Variants in NDFIP2 observed in about 807,000 individuals in gnomAD.
The protein encoded by NDFIP2 is Nedd4 family interacting protein 2.
Under a neutral mutation model 36.0 loss-of-function variants are expected in NDFIP2, and 19 were observed. That is an observed-to-expected ratio of 0.53 (90% CI 0.37 to 0.77). NDFIP2 has a LOEUF of 0.77. Ranked by LOEUF, NDFIP2 falls within the 30% of genes least tolerant of loss-of-function variation. The probability of loss-of-function intolerance (pLI) is 0.00; values close to 1 mark genes in which losing one functional copy is unlikely to be tolerated. For synonymous variants in NDFIP2, 181 were observed against 167.7 expected (o/e 1.08, Z -0.61); for missense variants, 446 against 435.8 (o/e 1.02, Z -0.21).
intron 1 of NDFIP2, among the ~76,000 whole-genome samples, chr13:79,494,070 C>G (rs1188717244): frequency 5.9e-5 from 9 of 152,068 alleles, no homozygotes; most frequent in Admixed American, 5.9e-4. Context: ...TTAACATATG[C>G]AGTTTCAGCC....
chr13:79,532,493 T>C (rs1875055295), intron 2 of NDFIP2, among the ~76,000 whole-genome samples: 2 of 152,224 alleles, frequency 1.3e-5, no homozygotes. Flanking sequence ...TTATTACTTA[T>C]GTTGTAATAA....
At chr13:79,510,873 C>T (rs1286231169) in intron 1 of NDFIP2, among the ~76,000 whole-genome samples, 1 of 151,894 alleles carries the variant, frequency 6.6e-6, no homozygotes, top group Non-Finnish European at 1.5e-5. Flanking sequence ...GTGGCACACA[C>T]CTGTAATCTC....
intron 1 of NDFIP2, among the ~76,000 whole-genome samples, chr13:79,491,032 C>G (rs1332097860): frequency 6.6e-6 from 1 of 152,190 alleles, no homozygotes; most frequent in African/African-American, 2.4e-5. Flanking sequence ...CACAGTACTC[C>G]TTATCGCTGT....
Position 79,540,621 on chromosome 13 carries a change from A to G in NDFIP2, c.715+846A>G, listed in dbSNP as rs137910396. On this transcript the variant is annotated intron_variant, in intron 4 of 7. Coordinates refer to ENST00000218652, the MANE Select transcript of NDFIP2 (RefSeq NM_019080.3). Reference sequence around the variant, plus strand: ...TTTATTATGATCATAAAACCGAGAAATAATTTACTTATTTAAAGTGCCACA... The same window carrying G: ...TTTATTATGATCATAAAACCGAGAAGTAATTTACTTATTTAAAGTGCCACA... 3.5e-4 allele frequency among the ~76,000 whole-genome samples: 54 copies of G among 152,346 alleles called. 2 individuals are homozygous for G. The East Asian group carries it at 6.4e-3, about 18-fold the overall frequency.
intron 3 of NDFIP2, 132 bp downstream of exon 3, chr13:79,533,588 T>G: frequency 1.5e-6 from 1 of 646,592 alleles, no homozygotes. Flanking sequence ...GGGTTTAAAC[T>G]GCACAGGTCT....
chr13:79,528,895 TAGTA>T (rs1259251430), intron 2 of NDFIP2, among the ~76,000 whole-genome samples: 1 of 152,206 alleles, frequency 6.6e-6, no homozygotes, highest in Admixed American at 6.5e-5. Context: ...ATATCTGTGT[TAGTA>T]AGTGATGCAT....
At chr13:79,515,234 A>C (rs935565915) in intron 1 of NDFIP2, among the ~76,000 whole-genome samples, 1 of 152,242 alleles carries the variant, frequency 6.6e-6, no homozygotes, top group Non-Finnish European at 1.5e-5. Flanking sequence ...TTATGAGGCC[A>C]CTATCTTATA....
intron 5 of NDFIP2, among the ~76,000 whole-genome samples, chr13:79,547,922 A>G (rs1486310013): frequency 6.6e-6 from 1 of 152,098 alleles, no homozygotes. Flanking sequence ...GATTAAACTA[A>G]TGTGGCTTTT....
intron 1 of NDFIP2, among the ~76,000 whole-genome samples, chr13:79,502,356 A>G (rs1334567337): frequency 2.0e-5 from 3 of 152,318 alleles, no homozygotes; most frequent in South Asian, 2.1e-4. Flanking sequence ...TAACTCTAAC[A>G]ATATTACATG....
intron 1 of NDFIP2, among the ~76,000 whole-genome samples, chr13:79,517,522 C>T (rs569230980): frequency 9.9e-5 from 15 of 152,068 alleles, no homozygotes; most frequent in East Asian, 3.9e-4. Context: ...ATTTTATTGC[C>T]GGCAAAGATA....
chr13:79,490,580 C>A (rs1873187369), intron 1 of NDFIP2, among the ~76,000 whole-genome samples: 1 of 152,082 alleles, frequency 6.6e-6, no homozygotes, highest in Non-Finnish European at 1.5e-5. Flanking sequence ...CAGCAGTATC[C>A]ATACCAAATA....
At chr13:79,505,208 T>G (rs1327240802) in intron 1 of NDFIP2, among the ~76,000 whole-genome samples, 2 of 152,224 alleles carry the variant, frequency 1.3e-5, no homozygotes, top group Non-Finnish European at 2.9e-5. Flanking sequence ...ATGAACATTT[T>G]CTCACAGAAT....
At chr13:79,539,450 A>T (rs1010828993) in intron 3 of NDFIP2, among the ~76,000 whole-genome samples, 7 of 152,204 alleles carry the variant, frequency 4.6e-5, no homozygotes, top group Admixed American at 2.0e-4. Flanking sequence ...GATGTTATTC[A>T]TCTTTTATCT....
chr13:79,527,868 C>T (rs538496977), intron 2 of NDFIP2, among the ~76,000 whole-genome samples: 10 of 152,234 alleles, frequency 6.6e-5, no homozygotes, highest in East Asian at 3.9e-4. Context: ...TTGCCCTTGA[C>T]GACCTTCCAG....
intron 2 of NDFIP2, among the ~76,000 whole-genome samples, chr13:79,532,092 A>G (rs762143798): frequency 2.2e-4 from 33 of 152,246 alleles, no homozygotes; most frequent in Non-Finnish European, 4.7e-4. Flanking sequence ...AACAATTACA[A>G]TAGTGACATC....
At chr13:79,544,692 T>C (rs1414157) in intron 5 of NDFIP2, among the ~76,000 whole-genome samples, 10,221 of 152,124 alleles carry the variant, frequency 0.067, 726 homozygotes, top group African/African-American at 0.18. Context: ...AGTAGAATCA[T>C]AGATCAAATA....
At chr13:79,521,073 T>A (rs1874560468) in intron 2 of NDFIP2, 98 bp downstream of exon 2, 2 of 979,814 alleles carry the variant, frequency 2.0e-6, no homozygotes, top group East Asian at 5.2e-5. Context: ...TATAAACATA[T>A]ATACACATGG....
intron 2 of NDFIP2, among the ~76,000 whole-genome samples, chr13:79,524,380 A>G (rs1469249327): frequency 6.6e-6 from 1 of 152,222 alleles, no homozygotes; most frequent in African/African-American, 2.4e-5. Flanking sequence ...CATCAGTTGC[A>G]GCTTTGATGA....
intron 1 of NDFIP2, among the ~76,000 whole-genome samples, chr13:79,509,493 A>G (rs1041197651): frequency 6.6e-6 from 1 of 152,152 alleles, no homozygotes; most frequent in African/African-American, 2.4e-5. Context: ...TATCAGACCT[A>G]CAGAGTCTGT....
Sources: gnomAD v4.1 joint callset for allele counts (sites outside exome capture counted in the v4.1 genomes callset) on GRCh38, gnomAD v4.1.1 for gene constraint, MANE v1.5 for transcripts, NCBI Gene and HGNC (gene_info 2026-07-23, HGNC 2026-07-21) for gene names.